Variants in XYLT1 observed in about 807,000 individuals in gnomAD.
The protein encoded by XYLT1 is xylosyltransferase 1, also known as beta-D-xylosyltransferase 1.
A neutral mutation model predicts 91.3 loss-of-function variants in XYLT1; 36 were observed. The ratio of observed to expected loss-of-function variants is 0.39; its 90% confidence interval spans 0.30 to 0.52. The LOEUF is 0.52. XYLT1 is among the 20% of genes least tolerant of loss of function. The pLI, the probability that XYLT1 is intolerant of heterozygous loss-of-function variation, is 0.68. For synonymous variants in XYLT1, 588 were observed against 532.0 expected, an observed-to-expected ratio of 1.11 and a Z score of -1.45; for missense variants, 1,242 against 1,284.5, an observed-to-expected ratio of 0.97 and a Z score of 0.51.
chr16:17,174,717 T>C (rs1020348949), intron 5 of XYLT1, among the ~76,000 whole-genome samples: 12 of 152,192 alleles, frequency 7.9e-5, no homozygotes, highest in African/African-American at 2.7e-4. Flanking sequence ...TCATATACCA[T>C]TGTGAATGTA....
At chr16:17,311,822 C>T (rs1367930817) in intron 2 of XYLT1, among the ~76,000 whole-genome samples, 4 of 92,966 alleles carry the variant, frequency 4.3e-5, no homozygotes, top group Admixed American at 2.2e-4. Flanking sequence ...AAAGGCACGT[C>T]TTACATGGCA....
At chr16:17,399,945 A>G (rs550346543) in intron 1 of XYLT1, among the ~76,000 whole-genome samples, 1 of 152,370 alleles carries the variant, frequency 6.6e-6, no homozygotes, top group Non-Finnish European at 1.5e-5. Flanking sequence ...TTTCTTTGGG[A>G]AAGGAAAACA....
chr16:17,270,938 G>A (rs1323335074), intron 2 of XYLT1, among the ~76,000 whole-genome samples: 2 of 152,206 alleles, frequency 1.3e-5, no homozygotes, highest in Non-Finnish European at 2.9e-5. Context: ...GCTGAGCCAG[G>A]CTTGCCCAAG....
intron 6 of XYLT1, among the ~76,000 whole-genome samples, chr16:17,156,776 C>T (rs755647389): frequency 6.6e-6 from 1 of 152,154 alleles, no homozygotes; most frequent in East Asian, 1.9e-4. Context: ...GTAAACTAAT[C>T]TGTGCTAATT....
At chr16:17,332,558 T>TCACACA (rs775938130) in intron 2 of XYLT1, among the ~76,000 whole-genome samples, 1,534 of 126,718 alleles carry the variant, frequency 0.012, 22 homozygotes, top group Non-Finnish European at 0.02. Context: ...CCAGAGTCCA[T>TCACACA]CACACACATA....
chr16:17,150,932 G>T lies in XYLT1; in HGVS notation c.1370+7897C>A, dbSNP rs186045208. Among the ~76,000 whole-genome samples the T allele has an allele frequency of 1.6e-4, 25 of 152,290 alleles. No homozygotes were observed. In the East Asian group the frequency reaches 3.9e-3, roughly 24 times the overall value. ...ATGGGGAAGGCCTTTATGAGTGACAGAAAATTGAAAGTGCAAGGGCCCTGT... is the reference window on the plus strand; with the variant it reads ...ATGGGGAAGGCCTTTATGAGTGACATAAAATTGAAAGTGCAAGGGCCCTGT... On this transcript the variant is annotated intron_variant, in intron 6 of 11. Transcript: ENST00000261381.
intron 2 of XYLT1, among the ~76,000 whole-genome samples, chr16:17,353,546 T>C (rs146441070): frequency 7.1e-4 from 108 of 152,314 alleles, no homozygotes; most frequent in Non-Finnish European, 1.2e-3. Context: ...AAAATAAATT[T>C]TCATTCGGGT....
intron 5 of XYLT1, among the ~76,000 whole-genome samples, chr16:17,169,507 T>A (rs914873184): frequency 6.6e-6 from 1 of 152,230 alleles, no homozygotes; most frequent in Admixed American, 6.5e-5. Context: ...GTTTATCTGA[T>A]GTTCTATCAA....
At chr16:17,287,065 A>T (rs1188152746) in intron 2 of XYLT1, among the ~76,000 whole-genome samples, 1 of 152,118 alleles carries the variant, frequency 6.6e-6, no homozygotes, top group Middle Eastern at 3.2e-3. Flanking sequence ...TGCCTTGATG[A>T]CCAGAGTGTA....
At chr16:17,128,389 T>G (rs546312801) in intron 9 of XYLT1, among the ~76,000 whole-genome samples, 1 of 150,062 alleles carries the variant, frequency 6.7e-6, no homozygotes, top group South Asian at 2.1e-4. Flanking sequence ...GCTCGGTGTG[T>G]TTCATCATAG....
chr16:17,168,599 C>CT (rs113643928), intron 5 of XYLT1, among the ~76,000 whole-genome samples: 23,213 of 150,070 alleles, frequency 0.15, 1,935 homozygotes, highest in African/African-American at 0.2. Context: ...TAAAAGGTGA[C>CT]TTTTTTTTTT....
intron 2 of XYLT1, among the ~76,000 whole-genome samples, chr16:17,340,203 T>G (rs111465420): frequency 1.3e-5 from 2 of 152,352 alleles, no homozygotes; most frequent in African/African-American, 4.8e-5. Flanking sequence ...GTTCTAACAG[T>G]TGACACCTCT....
chr16:17,344,360 G>C (rs1237411328), intron 2 of XYLT1, among the ~76,000 whole-genome samples: 3 of 151,626 alleles, frequency 2.0e-5, no homozygotes, highest in Non-Finnish European at 4.4e-5. Flanking sequence ...GGGCGTGGTG[G>C]CGGGCGCCTG....
intron 2 of XYLT1, among the ~76,000 whole-genome samples, chr16:17,340,722 G>T (rs776963914): frequency 4.7e-4 from 72 of 152,336 alleles, no homozygotes; most frequent in Middle Eastern, 3.4e-3. Context: ...AGATTAAAGA[G>T]AATCTTCCTT....
intron 3 of XYLT1, among the ~76,000 whole-genome samples, chr16:17,206,155 C>A (rs996739142): frequency 2.6e-5 from 4 of 152,134 alleles, no homozygotes; most frequent in African/African-American, 9.7e-5. Context: ...CCATCTCTGA[C>A]CCCGCTGGGT....
chr16:17,402,169 A>T (rs544159635), intron 1 of XYLT1, among the ~76,000 whole-genome samples: 7 of 151,088 alleles, frequency 4.6e-5, no homozygotes, highest in African/African-American at 1.5e-4. Flanking sequence ...ACACACAAAA[A>T]GTTAGCCAGG....
chr16:17,228,683 T>C (rs2033110362), intron 3 of XYLT1, among the ~76,000 whole-genome samples: 1 of 152,154 alleles, frequency 6.6e-6, no homozygotes, highest in Non-Finnish European at 1.5e-5. Flanking sequence ...TCTCCCCTTC[T>C]CTCCATCCAT....
chr16:17,262,355 A>G (rs1248318373), intron 2 of XYLT1, among the ~76,000 whole-genome samples: 1 of 152,148 alleles, frequency 6.6e-6, no homozygotes, highest in African/African-American at 2.4e-5. Flanking sequence ...ATTTGCACAA[A>G]TTCATGTTGG....
In XYLT1 at chr16:17,358,070, A is replaced by T; in HGVS notation, c.364-20T>A. On this transcript the variant is annotated intron_variant, in intron 1 of 11. Coordinates refer to ENST00000261381, the MANE Select transcript of XYLT1 (RefSeq NM_022166.4). ...TGGATCCTGTAGGATGAAAGGAGAA[A>T]ATGCACGTGAGGAGTGAAAAAAAGT... is the stretch of plus-strand genomic sequence containing the variant. 1 of 1,612,450 alleles carries T rather than the reference A, an allele frequency of 6.2e-7. No homozygotes were observed. The highest frequency in any genetic ancestry group is 1.7e-5 in the Admixed American group (1 of 59,848).
Sources: allele counts gnomAD v4.1 joint callset (sites outside exome capture counted in the v4.1 genomes callset), GRCh38; gene constraint gnomAD v4.1.1; transcripts MANE v1.5; gene names NCBI Gene and HGNC (gene_info 2026-07-23, HGNC 2026-07-21).